ADAM7: variants seen among roughly 807,000 people sequenced by gnomAD.
The protein encoded by ADAM7 is disintegrin and metalloproteinase domain-containing protein 7.
A neutral mutation model predicts 102.9 loss-of-function variants in ADAM7; 97 were observed. That is an observed-to-expected ratio of 0.94 (90% CI 0.80 to 1.12). The LOEUF (loss-of-function observed/expected upper bound fraction) is 1.12, where lower values mean the gene tolerates loss of function less well. Among genes scored for constraint, ADAM7 ranks in the 50% most tolerant of loss-of-function variants. The probability of loss-of-function intolerance (pLI) is 0.00; values close to 1 mark genes in which losing one functional copy is unlikely to be tolerated. For missense variants in ADAM7, 991 were observed against 908.7 expected, an observed-to-expected ratio of 1.09 and a Z score of -1.16; for synonymous variants, 334 against 304.4, an observed-to-expected ratio of 1.10 and a Z score of -1.01.
At chr8:24,468,694 T>A in intron 6 of ADAM7, 73 bp from the exon 7 acceptor site, 1 of 1,361,054 alleles carries the variant, frequency 7.3e-7, no homozygotes, top group Non-Finnish European at 1.0e-6. Context: ...ATACTAGGAT[T>A]TTTTTTCCAA....
intron 3 of ADAM7, among the ~76,000 whole-genome samples, chr8:24,453,294 G>A (rs1173965766): frequency 2.6e-5 from 4 of 152,278 alleles, no homozygotes; most frequent in African/African-American, 9.6e-5. Context: ...ACACCAATCA[G>A]ACGTAGATTT....
Position 24,466,954 on chromosome 8 carries a change from G to A in ADAM7, c.545G>A (p.Gly182Glu). Residue 182 changes from glycine (G) to glutamate (E), a missense_variant, in exon 6 of 22, where the codon GGG becomes GAG. By Grantham distance (98) the Gly-to-Glu change is moderately conservative (BLOSUM62 -2). Transcript: ENST00000175238. ...ELNFTRKTVP[G>E]DNESEEDSKI... ...AATTTTACCAGAAAAACTGTTCCAGGGGATAATGAATCTGAAGAAGACTCC... is the reference window on the plus strand; with the variant it reads ...AATTTTACCAGAAAAACTGTTCCAGAGGATAATGAATCTGAAGAAGACTCC... The A allele has an allele frequency of 6.2e-7, 1 of 1,613,868 alleles. No individual in the cohort carries two copies. Among genetic ancestry groups the A allele is most frequent in the Non-Finnish European group, 8.5e-7 (1 of 1,179,928 alleles).
intron 15 of ADAM7, 39 bp downstream of exon 15, chr8:24,492,636 C>T: frequency 2.0e-6 from 3 of 1,479,650 alleles, no homozygotes; most frequent in Non-Finnish European, 2.8e-6. Context: ...TGCCTTCTTA[C>T]AGCACTTTGT....
intron 11 of ADAM7, 98 bp downstream of exon 11, chr8:24,487,415 G>C: frequency 7.1e-7 from 1 of 1,415,372 alleles, no homozygotes; most frequent in Non-Finnish European, 9.4e-7. Flanking sequence ...GGGAGGCCGA[G>C]GCAGGTGGAT....
intron 10 of ADAM7, among the ~76,000 whole-genome samples, chr8:24,486,311 A>G (rs974559245): frequency 1.7e-4 from 26 of 152,228 alleles, no homozygotes; most frequent in Non-Finnish European, 1.6e-4. Context: ...TAATGGAACT[A>G]TGAGCCAAGT....
chr8:24,504,052 A>G (rs1003772368), intron 20 of ADAM7, among the ~76,000 whole-genome samples: 5 of 145,264 alleles, frequency 3.4e-5, no homozygotes, highest in African/African-American at 1.3e-4. Context: ...ATAAAATAAA[A>G]TAAAATAAAA....
intron 7 of ADAM7, among the ~76,000 whole-genome samples, chr8:24,472,034 T>G (rs960065027): frequency 6.6e-6 from 1 of 151,428 alleles, no homozygotes. Context: ...AAAAAGTTAT[T>G]TGAGATAAAT....
Position 24,489,249 on chromosome 8 carries a change from AT to A in ADAM7, c.1185del (p.Pro396LeufsTer41). On this transcript the variant is annotated frameshift_variant, in exon 12 of 22. Coordinates refer to ENST00000175238, the MANE Select transcript of ADAM7 (RefSeq NM_003817.4). LOFTEE classifies it high-confidence loss of function. ...AGCCAACATGCATGCTCAACATTCCATTTCCTTACAATTTTCATGATTTCCA... is the reference window on the plus strand; with the variant it reads ...AGCCAACATGCATGCTCAACATTCCATTCCTTACAATTTTCATGATTTCCA... ...YKPTCMLNIP[F>X]PYNFHDFQFC... 2 of 1,613,692 alleles carry A rather than the reference AT, an allele frequency of 1.2e-6. No homozygotes were observed. Among genetic ancestry groups the A allele is most frequent in the Non-Finnish European group, 1.7e-6 (2 of 1,179,734 alleles).
intron 20 of ADAM7, among the ~76,000 whole-genome samples, chr8:24,505,933 T>TC (rs1820934994): frequency 6.6e-6 from 1 of 152,082 alleles, no homozygotes; most frequent in Non-Finnish European, 1.5e-5. Flanking sequence ...AATGTATAAA[T>TC]TCCCACTCTT....
At chr8:24,464,985 C>A (rs1355161310) in intron 4 of ADAM7, among the ~76,000 whole-genome samples, 2 of 152,094 alleles carry the variant, frequency 1.3e-5, no homozygotes, top group Non-Finnish European at 2.9e-5. Flanking sequence ...CGGGGTTTCA[C>A]CATGTTGGCC....
intron 17 of ADAM7, 74 bp from the exon 18 acceptor site, chr8:24,500,104 G>A: frequency 7.6e-7 from 1 of 1,320,484 alleles, no homozygotes; most frequent in South Asian, 1.4e-5. Context: ...TGTAGAGGTA[G>A]CACTAAAGTA....
chr8:24,468,965 T>C, intron 7 of ADAM7, 145 bp downstream of exon 7: 1 of 692,470 alleles, frequency 1.4e-6, no homozygotes, highest in Non-Finnish European at 2.3e-6. Flanking sequence ...CAGACATACA[T>C]AAGAGATTAT....
At chr8:24,455,022 A>G (rs1818976516) in intron 3 of ADAM7, among the ~76,000 whole-genome samples, 1 of 152,176 alleles carries the variant, frequency 6.6e-6, no homozygotes, top group South Asian at 2.1e-4. Flanking sequence ...ATATTAATTT[A>G]GAATCTACTA....
At chr8:24,442,698 T>G in intron 2 of ADAM7, 122 bp downstream of exon 2, 1 of 757,590 alleles carries the variant, frequency 1.3e-6, no homozygotes, top group Non-Finnish European at 2.3e-6. Flanking sequence ...GGACTCCCAT[T>G]CGGCATACAC....
intron 5 of ADAM7, among the ~76,000 whole-genome samples, chr8:24,466,543 C>T (rs1480003267): frequency 6.6e-6 from 1 of 152,164 alleles, no homozygotes; most frequent in Non-Finnish European, 1.5e-5. Flanking sequence ...ACCAGTGGGA[C>T]TTGCTACACT....
intron 20 of ADAM7, among the ~76,000 whole-genome samples, chr8:24,506,645 G>A (rs1820959942): frequency 6.6e-6 from 1 of 151,742 alleles, no homozygotes; most frequent in Admixed American, 6.6e-5. Context: ...GCTCTCCCCT[G>A]GAACCCTCAG....
Position 24,485,348 on chromosome 8 carries a change from C to A in ADAM7, c.947C>A (p.Thr316Asn). 3.7e-6 allele frequency: 6 copies of A among 1,613,228 alleles called. No homozygotes were observed. Among genetic ancestry groups the A allele is most frequent in the South Asian group, 1.1e-5 (1 of 90,992 alleles). ...PGGMCLPYYSTSIIKDLLPDT... is the reference protein window; with the variant it reads ...PGGMCLPYYSNSIIKDLLPDT... Reference sequence around the variant, plus strand: ...GGTATGTGCCTGCCCTATTATTCCACCAGTATCATTAAGGTGGGCTGTGTT... The same window carrying A: ...GGTATGTGCCTGCCCTATTATTCCAACAGTATCATTAAGGTGGGCTGTGTT... Residue 316 changes from threonine to asparagine, a missense_variant, in exon 10 of 22, where the codon ACC (threonine) becomes AAC (asparagine). Physicochemically the swap from Thr to Asn is moderately conservative, Grantham distance 65. Transcript: ENST00000175238.
At chr8:24,476,326 A>C in intron 7 of ADAM7, 107 bp from the exon 8 acceptor site, 41 of 712,970 alleles carry the variant, frequency 5.8e-5, no homozygotes, top group Non-Finnish European at 7.8e-5. Flanking sequence ...TTTCTTCATT[A>C]GGCCAATGAT....
chr8:24,449,971 CT>C lies in ADAM7; in HGVS notation c.233+2711del, dbSNP rs1415081818. ...GACCAGATAGTTGTAGATATGTGGC[CT>C]TATTTCTGAGGGCTCTGTTTTGTTC... is the stretch of plus-strand genomic sequence containing the variant. On this transcript the variant is annotated intron_variant, in intron 3 of 21. Transcript: ENST00000175238. Among the ~76,000 whole-genome samples, 10 of 152,006 alleles carry C rather than the reference CT, an allele frequency of 6.6e-5. No individual in the cohort carries two copies. The East Asian group carries it at 1.7e-3, about 27-fold the overall frequency.
Sources: allele counts gnomAD v4.1 joint callset (sites outside exome capture counted in the v4.1 genomes callset), GRCh38; gene constraint gnomAD v4.1.1; transcripts MANE v1.5; gene names NCBI Gene and HGNC (gene_info 2026-07-23, HGNC 2026-07-21).